Variants in TRAPPC9 observed in about 807,000 individuals in gnomAD.
TRAPPC9 encodes IKK2 binding protein.
Under a neutral mutation model 124.0 loss-of-function variants are expected in TRAPPC9, and 83 were observed. The observed-to-expected ratio is 0.67, with a 90% CI of 0.56 to 0.80. The LOEUF (loss-of-function observed/expected upper bound fraction) is 0.80. Ranked by LOEUF, TRAPPC9 falls within the 30% of genes least tolerant of loss-of-function variation. The probability of loss-of-function intolerance (pLI) is 0.00; values close to 1 mark genes in which losing one functional copy is unlikely to be tolerated. For missense variants in TRAPPC9, 1,302 were observed against 1,508.3 expected (o/e 0.86, Z 2.27); for synonymous variants, 638 against 617.5 (o/e 1.03, Z -0.49).
intron 17 of TRAPPC9, among the ~76,000 whole-genome samples, chr8:140,085,140 G>A (rs920173955): frequency 6.6e-6 from 1 of 152,086 alleles, no homozygotes; most frequent in Non-Finnish European, 1.5e-5. Flanking sequence ...CAAACCTCAT[G>A]CCCCATGACT....
At chr8:139,749,367 C>T (rs573567399) in intron 21 of TRAPPC9, among the ~76,000 whole-genome samples, 3 of 152,338 alleles carry the variant, frequency 2.0e-5, no homozygotes, top group Admixed American at 2.0e-4. Context: ...CCTTCAATGG[C>T]TTACAGTGTG....
chr8:140,293,181 G>T (rs1427903965), intron 11 of TRAPPC9, among the ~76,000 whole-genome samples: 1 of 148,380 alleles, frequency 6.7e-6, no homozygotes, highest in African/African-American at 2.6e-5. Flanking sequence ...TCTCACACCA[G>T]TTAGAATGGC....
At chr8:140,352,899 G>A (rs922135375) in intron 9 of TRAPPC9, among the ~76,000 whole-genome samples, 1 of 152,160 alleles carries the variant, frequency 6.6e-6, no homozygotes, top group African/African-American at 2.4e-5. Context: ...TGACCAAGGA[G>A]CTGGCGTCCA....
In TRAPPC9 at chr8:140,233,752, G is replaced by GAA. The variant is rs549304468; in HGVS notation, c.2432-12171_2432-12170dup. ...CAGAGTTTTTACACACACATTAAAA[G>GAA]AAAAAAAAAAAAAAAAACCTTTTCC... On this transcript the variant is annotated intron_variant, in intron 16 of 22. Transcript: ENST00000438773. 1.2e-3 allele frequency among the ~76,000 whole-genome samples: 133 copies of GAA among 111,894 alleles called. 1 individual carries two copies. The highest frequency in any genetic ancestry group is 4.0e-3 in the South Asian group (12 of 3,008). The allele number at this position is 111,894 out of a possible 152,430, so 73.4% of individuals were successfully genotyped here. A position where few individuals can be genotyped will look rare whatever the true frequency, so the allele number is the denominator to read the frequency against.
rs539745094 is a variant in TRAPPC9, at chr8:140,257,436, C to T, written c.2279-4507G>A. On this transcript the variant is annotated intron_variant, in intron 15 of 22. Transcript: ENST00000438773. This position sits in a 1 kb window ranked among gnomAD's most constrained non-coding sequence, Gnocchi z 4.6. ...ATGGCACTCGGAGGTGCCATCCTGA[C>T]GACACTACTTTAGACCCACCTTGGT... Among the ~76,000 whole-genome samples the T allele has an allele frequency of 2.6e-5, 4 of 152,286 alleles. No homozygotes were observed. The highest frequency in any genetic ancestry group is 5.9e-5 in the Non-Finnish European group (4 of 68,016).
intron 18 of TRAPPC9, among the ~76,000 whole-genome samples, chr8:140,001,977 AAAAG>A (rs1421139927): frequency 3.3e-5 from 5 of 152,230 alleles, no homozygotes; most frequent in Non-Finnish European, 5.9e-5. Flanking sequence ...ATCATTCTGA[AAAAG>A]AAATCTCTAT....
chr8:140,220,135 T>G (rs1028523100), intron 17 of TRAPPC9, among the ~76,000 whole-genome samples: 10 of 152,090 alleles, frequency 6.6e-5, no homozygotes, highest in Non-Finnish European at 1.0e-4. Context: ...CAAGGCAAGT[T>G]GCAAAACTGA....
intron 15 of TRAPPC9, among the ~76,000 whole-genome samples, chr8:140,267,048 T>C (rs2064691414): frequency 1.3e-5 from 2 of 151,584 alleles, no homozygotes; most frequent in South Asian, 4.2e-4. Context: ...GAGTCTGTAA[T>C]AGTAAGAATT....
intron 15 of TRAPPC9, among the ~76,000 whole-genome samples, chr8:140,265,024 C>T (rs1249093588): frequency 6.6e-6 from 1 of 152,166 alleles, no homozygotes; most frequent in African/African-American, 2.4e-5. Context: ...CTCGTCATCA[C>T]GCCAGCTGAA....
rs955871670 is a variant in TRAPPC9 at position 140,291,002 on chromosome 8, A to C, written c.1845T>G (p.Val615=). ...VYNPMPFELR[V]ENMGLLTSGV... is the part of the protein sequence containing the mutation. ...GATTGGTGATACATACCATGTTTTC[A>C]ACTCGAAGTTCAAACGGCATTGGGT... Residue 615 remains valine, a synonymous_variant, in exon 12 of 23, where the codon GTT becomes GTG. Transcript: ENST00000438773. 2 of 1,614,048 alleles carry C rather than the reference A, an allele frequency of 1.2e-6. No homozygotes were observed. Among genetic ancestry groups the C allele is most frequent in the East Asian group, 4.5e-5 (2 of 44,886 alleles).
chr8:139,732,799 C>A (rs941270460), intron 21 of TRAPPC9, among the ~76,000 whole-genome samples: 2 of 152,194 alleles, frequency 1.3e-5, no homozygotes, highest in East Asian at 3.9e-4. Flanking sequence ...CAGCTCAGCA[C>A]AGAACAGGTG....
chr8:140,331,265 A>C (rs996583073), intron 9 of TRAPPC9, among the ~76,000 whole-genome samples: 1 of 152,186 alleles, frequency 6.6e-6, no homozygotes, highest in Admixed American at 6.5e-5. Context: ...ACTGGATATA[A>C]GTATGCAGAA....
At chr8:139,817,839 A>T (rs138174872) in intron 21 of TRAPPC9, among the ~76,000 whole-genome samples, 4 of 152,336 alleles carry the variant, frequency 2.6e-5, no homozygotes, top group African/African-American at 7.2e-5. Flanking sequence ...ATGGGAACAG[A>T]CAGAGCCATA....
At chr8:140,110,238 C>T (rs1472935453) in intron 17 of TRAPPC9, among the ~76,000 whole-genome samples, 2 of 139,022 alleles carry the variant, frequency 1.4e-5, no homozygotes, top group Non-Finnish European at 3.1e-5. Flanking sequence ...CAGCAGCTCC[C>T]CCTGTAGCAG....
rs1404276337 is a variant in TRAPPC9 at position 140,182,953 on chromosome 8, C to T, written c.2556+38506G>A. ...TATCACTATAATCAGCTTCCTATTA[C>T]CTTCCAAAATAAACTAGAAGCCTCC... On this transcript the variant is annotated intron_variant, in intron 17 of 22. Coordinates refer to ENST00000438773, the MANE Select transcript of TRAPPC9 (RefSeq NM_001160372.4). The surrounding 1 kb of genome is among the most constrained non-coding windows in gnomAD (Gnocchi z 4.0). 6.6e-6 allele frequency among the ~76,000 whole-genome samples: 1 copy of T among 152,122 alleles called. No individual in the cohort carries two copies. The highest frequency in any genetic ancestry group is 2.4e-5 in the African/African-American group (1 of 41,422).
chr8:140,455,055 C>T (rs2071604499), intron 1 of TRAPPC9, among the ~76,000 whole-genome samples: 1 of 152,082 alleles, frequency 6.6e-6, no homozygotes, highest in South Asian at 2.1e-4. Context: ...CTCCATAGAG[C>T]TACTATAAAA....
intron 9 of TRAPPC9, among the ~76,000 whole-genome samples, chr8:140,330,732 G>A (rs988358906): frequency 6.6e-6 from 1 of 152,118 alleles, no homozygotes; most frequent in African/African-American, 2.4e-5. Context: ...AGAAAGACCT[G>A]TACTACCCAG....
intron 21 of TRAPPC9, among the ~76,000 whole-genome samples, chr8:139,740,196 G>A (rs538371702): frequency 6.6e-5 from 10 of 152,314 alleles, no homozygotes; most frequent in Admixed American, 2.0e-4. Flanking sequence ...CATCGGCACC[G>A]GCCCCCTCTT....
At chr8:140,159,784 C>G (rs1017923789) in intron 17 of TRAPPC9, among the ~76,000 whole-genome samples, 3 of 152,184 alleles carry the variant, frequency 2.0e-5, no homozygotes, top group African/African-American at 7.2e-5. Context: ...AAAGGGCAGC[C>G]CTGTGTGGCC....
Sources: allele counts gnomAD v4.1 joint callset (sites outside exome capture counted in the v4.1 genomes callset), GRCh38; gene constraint gnomAD v4.1.1; non-coding constraint Gnocchi (gnomAD v3.1); transcripts MANE v1.5; gene names NCBI Gene and HGNC (gene_info 2026-07-23, HGNC 2026-07-21).